Variants in CEP97 observed in about 807,000 individuals in gnomAD.
CEP97 encodes the protein centrosomal protein 97.
Under a neutral mutation model 73.1 loss-of-function variants are expected in CEP97, and 43 were observed. The ratio of observed to expected loss-of-function variants is 0.59; its 90% CI spans 0.46 to 0.76. The LOEUF is 0.76. CEP97 is among the 30% of genes least tolerant of loss of function. The probability of loss-of-function intolerance (pLI) is 0.00; values close to 1 mark genes in which losing one functional copy is unlikely to be tolerated. For missense variants in CEP97, 939 were observed against 1,014.0 expected (o/e 0.93, Z 1.00); for synonymous variants, 337 against 370.0 (o/e 0.91, Z 1.02).
chr3:101,764,930 T>A lies in CEP97; in HGVS notation c.1977T>A (p.Thr659=). 1 of 1,614,220 alleles carries A rather than the reference T, an allele frequency of 6.2e-7. No homozygotes were observed. Among genetic ancestry groups the A allele is most frequent in the Non-Finnish European group, 8.5e-7 (1 of 1,180,036 alleles). Residue 659 remains threonine (T), a synonymous_variant, in exon 11 of 11, where the codon ACT becomes ACA. Coordinates refer to ENST00000341893, the MANE Select transcript of CEP97 (RefSeq NM_024548.4). ...CTGATGTTCCTCCTATATCAAGTAC[T>A]CTTGTGCCATCGAAACATCCATTAT... ...WHTDVPPISS[T]LVPSKHPLFT...
At chr3:101,731,461 A>C (rs1938108554) in intron 4 of CEP97, among the ~76,000 whole-genome samples, 2 of 152,154 alleles carry the variant, frequency 1.3e-5, no homozygotes, top group South Asian at 4.1e-4. Flanking sequence ...TTGGCCTCCC[A>C]AAATGCTGGG....
At chr3:101,738,037 A>G (rs1340621876) in intron 6 of CEP97, among the ~76,000 whole-genome samples, 1 of 143,168 alleles carries the variant, frequency 7.0e-6, no homozygotes, top group African/African-American at 2.6e-5. Context: ...AAAAAAAAGC[A>G]GGGGTTACAA....
intron 6 of CEP97, among the ~76,000 whole-genome samples, chr3:101,740,779 G>T (rs1938426047): frequency 6.6e-6 from 1 of 152,114 alleles, no homozygotes; most frequent in South Asian, 2.1e-4. Flanking sequence ...AGTAGAGATG[G>T]GGTTTCTCCA....
intron 3 of CEP97, 47 bp downstream of exon 3, chr3:101,727,588 A>G: frequency 2.6e-6 from 4 of 1,520,730 alleles, no homozygotes; most frequent in Non-Finnish European, 3.6e-6. Context: ...CGTAAAAAAA[A>G]TTCAAGCAAT....
At chr3:101,740,753 C>G (rs923355703) in intron 6 of CEP97, among the ~76,000 whole-genome samples, 3 of 152,140 alleles carry the variant, frequency 2.0e-5, no homozygotes, top group Non-Finnish European at 4.4e-5. Context: ...CCACGCCTGG[C>G]TAATTTTGTA....
At chr3:101,757,274 C>G in intron 8 of CEP97, 78 bp downstream of exon 8, 1 of 1,471,844 alleles carries the variant, frequency 6.8e-7, no homozygotes, top group Non-Finnish European at 9.1e-7. Flanking sequence ...GAAAAAGGTG[C>G]ATATTTTCAT....
In CEP97 at chr3:101,724,689, C is replaced by A. The variant is rs758311009; in HGVS notation, c.13C>A (p.Arg5Ser). The change falls in exon 1 of 11, where the codon CGC (arginine) becomes AGC (serine). Residue 5 changes from arginine to serine, a missense_variant. Coordinates refer to ENST00000341893, the MANE Select transcript of CEP97 (RefSeq NM_024548.4). ...GCAAGCAGCAAATATGGCGGTGGCG[C>A]GCGTGGACGCGGCTTTGCCTCCCGG... MAVA[R>S]VDAALPPGEG... The A allele has an allele frequency of 6.2e-7, 1 of 1,614,046 alleles. No homozygotes were observed. Among genetic ancestry groups the A allele is most frequent in the Non-Finnish European group, 8.5e-7 (1 of 1,180,028 alleles).
At chr3:101,749,198 T>C (rs1458510231) in intron 6 of CEP97, among the ~76,000 whole-genome samples, 5 of 141,636 alleles carry the variant, frequency 3.5e-5, no homozygotes, top group Admixed American at 2.3e-4. Flanking sequence ...CCTGTGTCCA[T>C]GTGTTCTCAT....
At chr3:101,727,235 G>A (rs1937920334) in intron 2 of CEP97, 148 bp from the exon 3 acceptor site, 1 of 623,160 alleles carries the variant, frequency 1.6e-6, no homozygotes. Context: ...TAGTCATACT[G>A]TAGAATATTT....
intron 7 of CEP97, 143 bp downstream of exon 7, chr3:101,755,737 G>T: frequency 1.3e-6 from 1 of 767,718 alleles, no homozygotes; most frequent in South Asian, 1.7e-5. Flanking sequence ...AACAGTTCCT[G>T]CAGGGAAGCT....
At chr3:101,757,040 G>T in intron 7 of CEP97, 23 bp from the exon 8 acceptor site, 1 of 1,587,880 alleles carries the variant, frequency 6.3e-7, no homozygotes, top group South Asian at 1.2e-5. Flanking sequence ...TGTTAAATTA[G>T]ACCAGGTATT....
At chr3:101,764,004 C>A (rs914136162) in intron 10 of CEP97, among the ~76,000 whole-genome samples, 4 of 152,184 alleles carry the variant, frequency 2.6e-5, no homozygotes. Context: ...TTGGCCCATT[C>A]CCACTCCTGG....
intron 10 of CEP97, among the ~76,000 whole-genome samples, chr3:101,764,050 G>A (rs373929611): frequency 2.2e-4 from 33 of 152,150 alleles, no homozygotes; most frequent in African/African-American, 7.7e-4. Context: ...TGTACCATTT[G>A]TGCCAGTCTG....
At position 101,766,354 on chromosome 3, in the gene CEP97, C is replaced by T. The variant is rs1939317569; in HGVS notation, c.*803C>T. The stretch of plus-strand genomic sequence containing the variant: ...TCCTCTCATTAAGTGCTTTTTCACC[C>T]TATAGGTAAGCATTTTTGTGCCAAC... On this transcript the variant is annotated 3_prime_UTR_variant, in exon 11 of 11. Transcript: ENST00000341893. The T allele has an allele frequency of 6.6e-6, 1 of 152,522 alleles. No homozygotes were observed. The highest frequency in any genetic ancestry group is 1.5e-5 in the Non-Finnish European group (1 of 68,004). 9.4% of individuals were successfully genotyped at this position (152,522 alleles called of 1,614,324 possible). A position where few individuals can be genotyped will look rare whatever the true frequency, so the allele number is the denominator to read the frequency against.
rs546495430 is a variant in CEP97, at chr3:101,753,394, C to T, written c.729-2036C>T. ...GGAGGCAGTCTGCCCGTTCTCAGAT[C>T]TCCAGCTGGGTGCTGGGAGAACCAC... is the stretch of plus-strand genomic sequence containing the variant. On this transcript the variant is annotated intron_variant, in intron 6 of 10. Transcript: ENST00000341893. Among the ~76,000 whole-genome samples the T allele has an allele frequency of 4.7e-4, 71 of 152,326 alleles. 1 individual carries two copies. In the South Asian group the frequency reaches 0.012, roughly 26 times the overall value.
chr3:101,731,701 C>G (rs1938115573), intron 4 of CEP97, 139 bp from the exon 5 acceptor site: 1 of 581,952 alleles, frequency 1.7e-6, no homozygotes, highest in African/African-American at 1.9e-5. Context: ...GTAGCATTAA[C>G]AGTCTTTGAT....
intron 6 of CEP97, among the ~76,000 whole-genome samples, chr3:101,750,600 G>C (rs1468325495): frequency 2.0e-5 from 3 of 152,160 alleles, no homozygotes; most frequent in African/African-American, 7.2e-5. Flanking sequence ...GCCTGTTATT[G>C]GTCTGTTCAG....
chr3:101,732,655 G>A lies in CEP97; in HGVS notation c.728+1G>A. ...GATATGTGATTTCTCAGAAGGAAAG[G>A]TAAACATGTGCTCTTTAACATCACA... On this transcript the variant is annotated splice_donor_variant, in intron 6 of 10. Coordinates refer to ENST00000341893, the MANE Select transcript of CEP97 (RefSeq NM_024548.4). LOFTEE classifies it high-confidence loss of function. 1 of 1,600,450 alleles carries A rather than the reference G, an allele frequency of 6.2e-7. No individual in the cohort carries two copies. The highest frequency in any genetic ancestry group is 8.5e-7 in the Non-Finnish European group (1 of 1,170,106).
In CEP97 at chr3:101,748,002, C is replaced by T. The variant is rs572797186; in HGVS notation, c.729-7428C>T. Among the ~76,000 whole-genome samples the T allele has an allele frequency of 2.6e-5, 4 of 151,448 alleles. No homozygotes were observed. In the East Asian group the frequency reaches 7.8e-4, roughly 29 times the overall value. ...AAAAAATTAGCTGGGTATGCTGGTG[C>T]ATACCTGTAGTTTCAGCTACTTGGG... On this transcript the variant is annotated intron_variant, in intron 6 of 10. Transcript: ENST00000341893.
Sources: gnomAD v4.1 joint callset for allele counts (sites outside exome capture counted in the v4.1 genomes callset) on GRCh38, gnomAD v4.1.1 for gene constraint, MANE v1.5 for transcripts, NCBI Gene and HGNC (gene_info 2026-07-23, HGNC 2026-07-21) for gene names.